The following E2F2 variants were observed in gnomAD, a reference collection of about 807,000 sequenced individuals.
E2F2 encodes transcription factor E2F2.
E2F2 carries 22 observed loss-of-function variants against 42.2 expected under a neutral mutation model. That is an observed-to-expected ratio of 0.52 (90% CI 0.37 to 0.74). The LOEUF is 0.74. Among genes scored for constraint, E2F2 ranks in the 30% least tolerant of loss-of-function variants. The pLI is 0.00. For missense variants in E2F2, 481 were observed against 557.8 expected (o/e 0.86, Z 1.39); for synonymous variants, 248 against 251.6 (o/e 0.99, Z 0.13).
chr1:23,514,120 T>C (rs924623165), intron 6 of E2F2, among the ~76,000 whole-genome samples: 2 of 106,436 alleles, frequency 1.9e-5, no homozygotes, highest in African/African-American at 6.2e-5. Context: ...TGAGACTCTG[T>C]CTTAAAAAAA....
chr1:23,527,333 C>T (rs536145715), intron 1 of E2F2, among the ~76,000 whole-genome samples: 2 of 152,302 alleles, frequency 1.3e-5, no homozygotes, highest in South Asian at 2.1e-4. Flanking sequence ...AAAGAGACTG[C>T]GATGAGGGGA....
chr1:23,510,168 G>A lies in E2F2; in HGVS notation c.1046-20C>T. 1 of 1,561,742 alleles carries A rather than the reference G, an allele frequency of 6.4e-7. No individual in the cohort carries two copies. The highest frequency in any genetic ancestry group is 8.7e-7 in the Non-Finnish European group (1 of 1,152,718). On this transcript the variant is annotated intron_variant, in intron 6 of 6. Transcript: ENST00000361729. ...CTGGCACTGGAGACAAACAGACAAA[G>A]GTTACGCCTGGCCCTAGCATCCAAC... is the stretch of plus-strand genomic sequence containing the variant.
At chr1:23,512,230 T>A (rs1008925195) in intron 6 of E2F2, among the ~76,000 whole-genome samples, 3 of 151,738 alleles carry the variant, frequency 2.0e-5, no homozygotes, top group African/African-American at 7.3e-5. Context: ...AACAAACAAA[T>A]AAATAAATAA....
chr1:23,513,588 G>GTGTGTGTGTGTGTGTGTGTGTGTGTC (rs1642956624), intron 6 of E2F2, among the ~76,000 whole-genome samples: 1 of 151,154 alleles, frequency 6.6e-6, no homozygotes, highest in South Asian at 2.1e-4. Flanking sequence ...GTGTGTGTGT[G>GTGTGTGTGTGTGTGTGTGTGTGTGTC]TGTGTGTGTG....
intron 2 of E2F2, among the ~76,000 whole-genome samples, chr1:23,524,104 C>CAAAAAAAA (rs371670414): frequency 3.0e-5 from 4 of 133,176 alleles, no homozygotes; most frequent in African/African-American, 1.2e-4. Context: ...ACAACAACAA[C>CAAAAAAAA]AAAAAAAAAC....
chr1:23,530,915 G>C lies in E2F2; in HGVS notation c.-122C>G. 2 of 1,279,308 alleles carry C rather than the reference G, an allele frequency of 1.6e-6. No individual in the cohort carries two copies. The highest frequency in any genetic ancestry group is 2.1e-6 in the Non-Finnish European group (2 of 972,844). 79.2% of individuals were successfully genotyped at this position (1,279,308 alleles called of 1,614,324 possible). ...GCGGAGGCCGGGGGAAGCCGCCAAT[G>C]GACGCCTGCGGGGCAAGGCCGGACC... is the stretch of plus-strand genomic sequence containing the variant. On this transcript the variant is annotated 5_prime_UTR_variant, in exon 1 of 7. Coordinates refer to ENST00000361729, the MANE Select transcript of E2F2 (RefSeq NM_004091.4). This position sits in a 1 kb window ranked among gnomAD's most constrained non-coding sequence, Gnocchi z 4.4.
At chr1:23,505,722 C>G (rs949386047), downstream of E2F2, among the ~76,000 whole-genome samples, 2 of 152,138 alleles carry the variant, frequency 1.3e-5, no homozygotes, top group African/African-American at 4.8e-5. Context: ...ACTGTGTTAG[C>G]CAGGATGATC....
At chr1:23,526,321 C>A (rs556930865) in intron 1 of E2F2, among the ~76,000 whole-genome samples, 29 of 152,276 alleles carry the variant, frequency 1.9e-4, no homozygotes, top group African/African-American at 6.5e-4. Flanking sequence ...TCTTCCCATA[C>A]CACTAATCCC....
intron 2 of E2F2, 69 bp downstream of exon 2, chr1:23,524,314 T>C: frequency 1.7e-6 from 2 of 1,198,048 alleles, no homozygotes; most frequent in Non-Finnish European, 2.3e-6. Context: ...TGACTACCAG[T>C]GATTGGGCAG....
At chr1:23,522,123 G>T in intron 2 of E2F2, 67 bp from the exon 3 acceptor site, 2 of 1,458,694 alleles carry the variant, frequency 1.4e-6, no homozygotes, top group South Asian at 1.2e-5. Flanking sequence ...CTCGTCCATT[G>T]ACCTAGGCTC....
At chr1:23,524,615 C>G in intron 1 of E2F2, 127 bp from the exon 2 acceptor site, 7 of 706,968 alleles carry the variant, frequency 9.9e-6, no homozygotes, top group Non-Finnish European at 1.6e-5. Context: ...ACCGCCAGTC[C>G]TGGTGAAGCA....
intron 1 of E2F2, among the ~76,000 whole-genome samples, chr1:23,528,490 C>T (rs1323065814): frequency 6.6e-6 from 1 of 152,204 alleles, no homozygotes; most frequent in Non-Finnish European, 1.5e-5. Flanking sequence ...CTGGGCCTGG[C>T]AGGGCTTTAG....
chr1:23,516,700 C>T (rs749325948), intron 5 of E2F2, among the ~76,000 whole-genome samples, 173 bp from the exon 6 acceptor site: 10 of 149,140 alleles, frequency 6.7e-5, no homozygotes, highest in Non-Finnish European at 1.5e-4. Flanking sequence ...GCTGTTTCTG[C>T]TGTCTGGCCC....
At chr1:23,524,092 C>CAAAAA (rs1200088873) in intron 2 of E2F2, among the ~76,000 whole-genome samples, 1 of 55,820 alleles carries the variant, frequency 1.8e-5, no homozygotes, top group African/African-American at 5.3e-5. Context: ...ACAACAACAA[C>CAAAAA]AACAACAACA....
chr1:23,527,714 G>C lies in E2F2; in HGVS notation c.252+2828C>G, dbSNP rs979763446. 5.3e-5 allele frequency among the ~76,000 whole-genome samples: 8 copies of C among 152,340 alleles called. 1 individual carries two copies. Among genetic ancestry groups the C allele is most frequent in the African/African-American group, 1.7e-4 (7 of 41,588 alleles). On this transcript the variant is annotated intron_variant, in intron 1 of 6. Coordinates refer to ENST00000361729, the MANE Select transcript of E2F2 (RefSeq NM_004091.4). Reference sequence around the variant, plus strand: ...ATCCCAGCTCTGCCACTTCGTAGCTGAACAGCCTGGGATTCACTGTCTTGC... The same window carrying C: ...ATCCCAGCTCTGCCACTTCGTAGCTCAACAGCCTGGGATTCACTGTCTTGC...
At position 23,519,093 on chromosome 1, in the gene E2F2, C is replaced by T; in HGVS notation, c.775G>A (p.Gly259Ser). ...ATCACTGTCTGCTCCTTAAAGTTGC[C>T]AACAGCACGGATATCCTGGTAAGTC... is the stretch of plus-strand genomic sequence containing the variant. ...YVTYQDIRAV[G>S]NFKEQTVIAV... Residue 259 changes from glycine (G) to serine (S), a missense_variant, in exon 5 of 7, where the codon GGC (glycine) becomes AGC (serine). Coordinates refer to ENST00000361729, the MANE Select transcript of E2F2 (RefSeq NM_004091.4). The T allele has an allele frequency of 6.2e-7, 1 of 1,613,898 alleles. No individual in the cohort carries two copies. The highest frequency in any genetic ancestry group is 8.5e-7 in the Non-Finnish European group (1 of 1,179,914).
At chr1:23,524,789 C>T (rs1643222429) in intron 1 of E2F2, among the ~76,000 whole-genome samples, 1 of 152,212 alleles carries the variant, frequency 6.6e-6, no homozygotes, top group Non-Finnish European at 1.5e-5. Context: ...AACCACGGGC[C>T]CTAAGCCGGC....
intron 5 of E2F2, among the ~76,000 whole-genome samples, chr1:23,517,423 C>T (rs1006127846): frequency 2.0e-5 from 3 of 152,228 alleles, no homozygotes; most frequent in African/African-American, 7.2e-5. Flanking sequence ...GGGATACCTC[C>T]TCTAACTACC....
chr1:23,519,009 C>T lies in E2F2; in HGVS notation c.852+7G>A, dbSNP rs760328475. 2.5e-6 allele frequency: 4 copies of T among 1,611,778 alleles called. No individual in the cohort carries two copies. In the African/African-American group the frequency reaches 4.0e-5, roughly 16 times the overall value. ...CCCTGCTCTCCACCAAATATTTCCC[C>T]TCTCACCTCAGTCCTGTCGGGCACT... On this transcript the variant is annotated splice_region_variant and intron_variant, in intron 5 of 6. Transcript: ENST00000361729.
Sources: allele counts gnomAD v4.1 joint callset (sites outside exome capture counted in the v4.1 genomes callset), GRCh38; gene constraint gnomAD v4.1.1; non-coding constraint Gnocchi (gnomAD v3.1); transcripts MANE v1.5; gene names NCBI Gene and HGNC (gene_info 2026-07-23, HGNC 2026-07-21).